SYT17: variants seen among roughly 807,000 people sequenced by gnomAD.
SYT17 encodes synaptotagmin-17.
SYT17 carries 22 observed loss-of-function variants against 46.7 expected under a neutral mutation model. The ratio of observed to expected loss-of-function variants is 0.47; its 90% CI spans 0.34 to 0.67. The LOEUF is 0.67. Ranked by LOEUF, SYT17 falls within the 30% of genes least tolerant of loss-of-function variation. The pLI, the probability that SYT17 is intolerant of heterozygous loss-of-function variation, is 0.01. For missense variants in SYT17, 519 were observed against 612.8 expected (o/e 0.85, Z 1.62); for synonymous variants, 251 against 248.4 (o/e 1.01, Z -0.10).
At chr16:19,191,743 GTATC>G (rs1332053454) in intron 5 of SYT17, among the ~76,000 whole-genome samples, 2 of 152,164 alleles carry the variant, frequency 1.3e-5, no homozygotes, top group Non-Finnish European at 2.9e-5. Flanking sequence ...TCTAGGGGAT[GTATC>G]TAAGAGTGTG....
chr16:19,215,990 G>A (rs1029873842), intron 5 of SYT17, among the ~76,000 whole-genome samples: 4 of 152,094 alleles, frequency 2.6e-5, no homozygotes, highest in African/African-American at 7.2e-5. Flanking sequence ...TCACTATCAC[G>A]GGAACAACAT....
intron 5 of SYT17, among the ~76,000 whole-genome samples, chr16:19,220,383 A>C (rs1596973156): frequency 7.2e-6 from 1 of 139,132 alleles, no homozygotes. Context: ...GCTCACTGCA[A>C]CCTCCGCCTC....
rs1317175124 is a variant in SYT17, at chr16:19,183,478, G to C, written c.332-50G>C. ...ATCTGCTTACCTGCAAAGTGGCCCA[G>C]GTCTGCCCCGTATGTGGCTGTCTTC... is the stretch of plus-strand genomic sequence containing the variant. On this transcript the variant is annotated intron_variant, in intron 4 of 7. Coordinates refer to ENST00000355377, the MANE Select transcript of SYT17 (RefSeq NM_016524.4). The surrounding 1 kb of genome is among the most constrained non-coding windows in gnomAD (Gnocchi z 5.6). 4 of 1,604,596 alleles carry C rather than the reference G, an allele frequency of 2.5e-6. No individual in the cohort carries two copies. The Admixed American group carries it at 6.7e-5, about 27-fold the overall frequency.
chr16:19,172,906 A>G (rs1055728881), intron 2 of SYT17, 129 bp downstream of exon 2: 2 of 1,181,854 alleles, frequency 1.7e-6, no homozygotes, highest in Admixed American at 2.4e-5. Context: ...ATAACGGCAC[A>G]GTTTCCATTC....
intron 7 of SYT17, among the ~76,000 whole-genome samples, chr16:19,241,426 C>A (rs1456253076): frequency 6.6e-6 from 1 of 152,054 alleles, no homozygotes; most frequent in Non-Finnish European, 1.5e-5. Context: ...CAGCTGCACC[C>A]AGGAAGCTCC....
intron 5 of SYT17, among the ~76,000 whole-genome samples, chr16:19,194,795 G>A (rs937660708): frequency 6.6e-6 from 1 of 152,066 alleles, no homozygotes; most frequent in African/African-American, 2.4e-5. Context: ...ACGGAGTCTT[G>A]CTGTGTTGCC....
chr16:19,211,358 T>G, intron 5 of SYT17: 1 of 700,978 alleles, frequency 1.4e-6, no homozygotes, highest in Admixed American at 2.0e-5. Context: ...AGCCTCTGTG[T>G]TGGGGGCTGC....
chr16:19,199,130 G>A (rs989727447), intron 5 of SYT17, among the ~76,000 whole-genome samples: 2 of 152,178 alleles, frequency 1.3e-5, no homozygotes, highest in Admixed American at 6.5e-5. Context: ...AAACATGAGT[G>A]AGAGCCTGGT....
chr16:19,229,314 G>T (rs1332623945), intron 7 of SYT17, among the ~76,000 whole-genome samples: 4 of 152,142 alleles, frequency 2.6e-5, no homozygotes, highest in African/African-American at 9.7e-5. Flanking sequence ...CATGAGGCTG[G>T]CATCTGCTTG....
At chr16:19,243,254 T>C (rs1242822644) in intron 7 of SYT17, among the ~76,000 whole-genome samples, 1 of 152,186 alleles carries the variant, frequency 6.6e-6, no homozygotes, top group Non-Finnish European at 1.5e-5. Flanking sequence ...CAGGAGGCTC[T>C]TTGGGGCCTG....
intron 5 of SYT17, among the ~76,000 whole-genome samples, chr16:19,205,291 T>C (rs1330593921): frequency 6.6e-6 from 1 of 152,188 alleles, no homozygotes; most frequent in Non-Finnish European, 1.5e-5. Context: ...ACATCAACTT[T>C]GCTGGGTATC....
At chr16:19,208,033 A>G (rs115361896) in intron 5 of SYT17, among the ~76,000 whole-genome samples, 2,277 of 152,354 alleles carry the variant, frequency 0.015, 75 homozygotes, top group African/African-American at 0.051. Context: ...AAAGATCTTT[A>G]TGAGCTTAGT....
At chr16:19,246,820 G>A (rs2142991586) in intron 7 of SYT17, among the ~76,000 whole-genome samples, 1 of 152,322 alleles carries the variant, frequency 6.6e-6, no homozygotes, top group East Asian at 1.9e-4. Context: ...GCCAGGCACT[G>A]CGGCTATGAC....
intron 5 of SYT17, among the ~76,000 whole-genome samples, chr16:19,215,660 T>A (rs1192057818): frequency 1.3e-5 from 2 of 151,970 alleles, no homozygotes; most frequent in Non-Finnish European, 2.9e-5. Context: ...CAAGCAATCC[T>A]CCAGCCTTGG....
In SYT17 at chr16:19,266,909, G is replaced by T. The variant is rs762345943; in HGVS notation, c.1258G>T (p.Asp420Tyr). The change falls in exon 8 of 8, where the codon GAC becomes TAC. Residue 420 changes from aspartate (D) to tyrosine (Y), a missense_variant. Asp to Tyr is a radical substitution (Grantham distance 160). Transcript: ENST00000355377. ...CGGCCACAACATGAAGAGCAGCAAT[G>T]ACTTCATCGGGAGGATCGTCATTGG... ...VFGHNMKSSN[D>Y]FIGRIVIGQY... 1.2e-6 allele frequency: 2 copies of T among 1,613,520 alleles called. No homozygotes were observed. The highest frequency in any genetic ancestry group is 1.1e-5 in the South Asian group (1 of 91,004).
At chr16:19,180,568 G>C (rs1345158837) in intron 4 of SYT17, 29 bp downstream of exon 4, 2 of 1,611,934 alleles carry the variant, frequency 1.2e-6, no homozygotes, top group Non-Finnish European at 1.7e-6. Flanking sequence ...CCTTTCTGGG[G>C]GCCCTGGCTG....
intron 5 of SYT17, among the ~76,000 whole-genome samples, chr16:19,197,762 C>T (rs1274454887): frequency 6.6e-6 from 1 of 152,036 alleles, no homozygotes; most frequent in African/African-American, 2.4e-5. Context: ...ATAAAATGAA[C>T]TAGAAGAGGA....
At chr16:19,262,476 T>C (rs1969050824) in intron 7 of SYT17, among the ~76,000 whole-genome samples, 1 of 152,150 alleles carries the variant, frequency 6.6e-6, no homozygotes, top group Non-Finnish European at 1.5e-5. Flanking sequence ...TTATGGTAAT[T>C]TGTTATAGCA....
At chr16:19,231,119 C>T (rs2285605) in intron 7 of SYT17, among the ~76,000 whole-genome samples, 4 of 152,142 alleles carry the variant, frequency 2.6e-5, no homozygotes, top group Admixed American at 6.5e-5. Flanking sequence ...TCTTCCCTCT[C>T]GATGTTAGAG....
Sources: gnomAD v4.1 joint callset for allele counts (sites outside exome capture counted in the v4.1 genomes callset) on GRCh38, gnomAD v4.1.1 for gene constraint, Gnocchi (gnomAD v3.1) non-coding constraint, MANE v1.5 for transcripts, NCBI Gene and HGNC (gene_info 2026-07-23, HGNC 2026-07-21) for gene names.